Variants in ZSWIM5 observed in about 807,000 individuals in gnomAD.
ZSWIM5 encodes the protein zinc finger SWIM domain-containing protein 5.
Under a neutral mutation model 119.6 loss-of-function variants are expected in ZSWIM5, and 55 were observed. The ratio of observed to expected loss-of-function variants is 0.46; its 90% confidence interval spans 0.37 to 0.58. ZSWIM5 has a LOEUF of 0.58. Among genes scored for constraint, ZSWIM5 ranks in the 20% least tolerant of loss-of-function variants. The pLI, the probability that ZSWIM5 is intolerant of heterozygous loss-of-function variation, is 0.00. For synonymous variants in ZSWIM5, 537 were observed against 606.9 expected (o/e 0.88, Z 1.69); for missense variants, 1,193 against 1,512.8 (o/e 0.79, Z 3.51).
chr1:45,195,357 AC>A (rs1646115643), intron 1 of ZSWIM5, among the ~76,000 whole-genome samples: 1 of 149,050 alleles, frequency 6.7e-6, no homozygotes, highest in South Asian at 2.1e-4. Flanking sequence ...CCACCTCAGC[AC>A]CCCCAAGTAG....
intron 1 of ZSWIM5, among the ~76,000 whole-genome samples, chr1:45,144,390 A>T (rs1645748698): frequency 6.6e-6 from 1 of 151,370 alleles, no homozygotes; most frequent in African/African-American, 2.4e-5. Flanking sequence ...AAAAATTGCC[A>T]GCCATGATGG....
At chr1:45,051,510 T>C (rs1645088384) in intron 4 of ZSWIM5, among the ~76,000 whole-genome samples, 1 of 152,178 alleles carries the variant, frequency 6.6e-6, no homozygotes, top group South Asian at 2.1e-4. Context: ...TGAGCTCAAA[T>C]CTGCAGTGTA....
intron 1 of ZSWIM5, among the ~76,000 whole-genome samples, chr1:45,152,818 A>G (rs1353014581): frequency 1.3e-5 from 2 of 152,128 alleles, no homozygotes; most frequent in Admixed American, 6.5e-5. Context: ...TAAACAGACA[A>G]CCTACAGAAT....
intron 1 of ZSWIM5, among the ~76,000 whole-genome samples, chr1:45,151,455 C>T (rs1645796551): frequency 3.3e-5 from 5 of 151,188 alleles, no homozygotes; most frequent in African/African-American, 1.2e-4. Context: ...TATAATATAC[C>T]CCTAGGATAC....
chr1:45,138,400 G>A (rs1645702558), intron 1 of ZSWIM5, among the ~76,000 whole-genome samples: 1 of 150,770 alleles, frequency 6.6e-6, no homozygotes, highest in Non-Finnish European at 1.5e-5. Flanking sequence ...AGCTACTCCG[G>A]AGGCTGAGGC....
chr1:45,070,360 A>C, intron 2 of ZSWIM5: 1 of 1,423,622 alleles, frequency 7.0e-7, no homozygotes, highest in South Asian at 1.1e-5. Flanking sequence ...ATGGGCAGCC[A>C]GGGTGGCTTC....
intron 1 of ZSWIM5, among the ~76,000 whole-genome samples, chr1:45,186,849 C>T (rs1456975165): frequency 6.6e-6 from 1 of 152,112 alleles, no homozygotes; most frequent in Admixed American, 6.6e-5. Context: ...CCCTAGTCCT[C>T]CCAAAGTGTT....
At chr1:45,128,191 G>C (rs1645632309) in intron 1 of ZSWIM5, among the ~76,000 whole-genome samples, 1 of 152,038 alleles carries the variant, frequency 6.6e-6, no homozygotes, top group African/African-American at 2.4e-5. Flanking sequence ...GAAGAATAAG[G>C]TAGAAAGAAA....
At chr1:45,067,439 C>CAAAA (rs35391088) in intron 2 of ZSWIM5, among the ~76,000 whole-genome samples, 1 of 140,698 alleles carries the variant, frequency 7.1e-6, no homozygotes. Flanking sequence ...GACCCTGCCT[C>CAAAA]AAAAAAAAAA....
At chr1:45,052,058 G>A (rs1401996613) in intron 4 of ZSWIM5, among the ~76,000 whole-genome samples, 2 of 145,670 alleles carry the variant, frequency 1.4e-5, no homozygotes, top group Non-Finnish European at 3.0e-5. Flanking sequence ...GGAGTGAGAT[G>A]GGGCGATCTT....
In ZSWIM5 at chr1:45,019,950, C is replaced by T; in HGVS notation, c.2695+116G>A. 1.1e-6 allele frequency: 1 copy of T among 899,066 alleles called. No homozygotes were observed. The highest frequency in any genetic ancestry group is 2.4e-5 in the Admixed American group (1 of 42,314). The allele number at this position is 899,066 out of a possible 1,614,324, so 55.7% of individuals were successfully genotyped here. On this transcript the variant is annotated intron_variant, in intron 13 of 13. Transcript: ENST00000359600. The surrounding 1 kb of genome is among the most constrained non-coding windows in gnomAD (Gnocchi z 5.0). ...GCCCCATCCTTTCTTAGGCCATCTC[C>T]TGATGGACCTAAGATCTCATAGGAA... is the stretch of plus-strand genomic sequence containing the variant.
intron 1 of ZSWIM5, among the ~76,000 whole-genome samples, chr1:45,161,917 T>G (rs1645865847): frequency 6.6e-6 from 1 of 152,194 alleles, no homozygotes; most frequent in Non-Finnish European, 1.5e-5. Flanking sequence ...ATATTAGGAA[T>G]CACTGCACTG....
At chr1:45,031,344 T>G (rs886705999) in intron 11 of ZSWIM5, among the ~76,000 whole-genome samples, 1 of 142,072 alleles carries the variant, frequency 7.0e-6, no homozygotes, top group African/African-American at 2.6e-5. Flanking sequence ...GCTCACGCAA[T>G]TTTTTTTTTT....
chr1:45,034,159 C>G (rs1200661681), intron 11 of ZSWIM5, among the ~76,000 whole-genome samples, 153 bp downstream of exon 11: 2 of 152,174 alleles, frequency 1.3e-5, no homozygotes, highest in Non-Finnish European at 2.9e-5. Context: ...GCCAGGTGCT[C>G]TTTCTAATGG....
At chr1:45,115,752 G>A (rs1298832096) in intron 1 of ZSWIM5, among the ~76,000 whole-genome samples, 1 of 144,504 alleles carries the variant, frequency 6.9e-6, no homozygotes, top group Admixed American at 6.9e-5. Context: ...GGGAAGAGGC[G>A]CTCCTCACTT....
intron 1 of ZSWIM5, among the ~76,000 whole-genome samples, chr1:45,192,576 G>T (rs1646099047): frequency 6.6e-6 from 1 of 152,162 alleles, no homozygotes; most frequent in Non-Finnish European, 1.5e-5. Context: ...CACTTGGGTT[G>T]TTTCCATCTT....
chr1:45,038,136 A>T (rs886532788), intron 8 of ZSWIM5, among the ~76,000 whole-genome samples: 1 of 152,226 alleles, frequency 6.6e-6, no homozygotes, highest in African/African-American at 2.4e-5. Flanking sequence ...GTCTCTATCT[A>T]TTCTTGGCTA....
chr1:45,057,748 C>T lies in ZSWIM5; in HGVS notation c.1252+861G>A, dbSNP rs549701549. Among the ~76,000 whole-genome samples, 39 of 152,242 alleles carry T rather than the reference C, an allele frequency of 2.6e-4. No individual in the cohort carries two copies. Among genetic ancestry groups the T allele is most frequent in the African/African-American group, 8.7e-4 (36 of 41,536 alleles). On this transcript the variant is annotated intron_variant, in intron 4 of 13. Transcript: ENST00000359600. This position sits in a 1 kb window ranked among gnomAD's most constrained non-coding sequence, Gnocchi z 4.7. ...GAAGTATTAGCATTGCAAAACTGGT[C>T]TTAGAGCAAGGGAATGCTAAAGAGA...
At chr1:45,173,040 C>T (rs1407671214) in intron 1 of ZSWIM5, among the ~76,000 whole-genome samples, 1 of 152,006 alleles carries the variant, frequency 6.6e-6, no homozygotes, top group African/African-American at 2.4e-5. Flanking sequence ...TGGTGTGTGC[C>T]TGTGGTCCCA....
Sources: gnomAD v4.1 joint callset for allele counts (sites outside exome capture counted in the v4.1 genomes callset) on GRCh38, gnomAD v4.1.1 for gene constraint, Gnocchi (gnomAD v3.1) non-coding constraint, MANE v1.5 for transcripts, NCBI Gene and HGNC (gene_info 2026-07-23, HGNC 2026-07-21) for gene names.